The following SLC9A9 variants were observed in gnomAD, a reference collection of about 807,000 sequenced individuals.
The protein encoded by SLC9A9 is sodium/hydrogen exchanger 9.
A neutral mutation model predicts 77.8 loss-of-function variants in SLC9A9; 62 were observed. The observed-to-expected ratio is 0.80, with a 90% CI of 0.65 to 0.98. SLC9A9 has a LOEUF of 0.98. Among genes scored for constraint, SLC9A9 ranks in the 50% least tolerant of loss-of-function variants. SLC9A9 has a pLI of 0.00. For synonymous variants in SLC9A9, 320 were observed against 283.5 expected, an observed-to-expected ratio of 1.13 and a Z score of -1.29; for missense variants, 775 against 774.9, an observed-to-expected ratio of 1.00 and a Z score of 0.00.
At chr3:143,283,642 A>T (rs985289552) in intron 14 of SLC9A9, among the ~76,000 whole-genome samples, 1 of 152,196 alleles carries the variant, frequency 6.6e-6, no homozygotes, top group African/African-American at 2.4e-5. Flanking sequence ...TGCAAGATTA[A>T]ATGAATGTGT....
At chr3:143,663,612 A>C (rs1044424549) in intron 5 of SLC9A9, among the ~76,000 whole-genome samples, 1 of 152,222 alleles carries the variant, frequency 6.6e-6, no homozygotes, top group African/African-American at 2.4e-5. Flanking sequence ...CAGTGTAGAG[A>C]AGACCTTAAA....
chr3:143,378,230 G>A (rs1232994543), intron 13 of SLC9A9, among the ~76,000 whole-genome samples: 3 of 152,168 alleles, frequency 2.0e-5, no homozygotes, highest in Non-Finnish European at 4.4e-5. Context: ...TCACATCTAC[G>A]TTAGTGCCGT....
intron 12 of SLC9A9, among the ~76,000 whole-genome samples, chr3:143,386,990 G>A (rs1462925022): frequency 3.3e-5 from 5 of 152,238 alleles, no homozygotes; most frequent in South Asian, 4.1e-4. Flanking sequence ...ATAGGCGTAC[G>A]CCACCACACC....
chr3:143,510,492 T>A (rs1340339676), intron 9 of SLC9A9, among the ~76,000 whole-genome samples: 1 of 152,226 alleles, frequency 6.6e-6, no homozygotes, highest in Non-Finnish European at 1.5e-5. Context: ...CGATCCTGTG[T>A]TGGATAAAAG....
At chr3:143,633,772 G>C (rs2038466832) in intron 6 of SLC9A9, among the ~76,000 whole-genome samples, 1 of 152,110 alleles carries the variant, frequency 6.6e-6, no homozygotes, top group African/African-American at 2.4e-5. Context: ...TCTAGGATTT[G>C]AATTTTATTT....
At chr3:143,778,105 A>G (rs1477385360) in intron 4 of SLC9A9, among the ~76,000 whole-genome samples, 1 of 148,840 alleles carries the variant, frequency 6.7e-6, no homozygotes, top group African/African-American at 2.5e-5. Flanking sequence ...CAAATCTTTT[A>G]TTATTAAATT....
At chr3:143,720,192 T>TAA (rs1164474999) in intron 4 of SLC9A9, among the ~76,000 whole-genome samples, 2 of 150,972 alleles carry the variant, frequency 1.3e-5, no homozygotes, top group Non-Finnish European at 2.9e-5. Context: ...TAGAGTTATA[T>TAA]AAGATGCATA....
intron 9 of SLC9A9, among the ~76,000 whole-genome samples, chr3:143,509,241 T>C (rs1223046702): frequency 6.6e-6 from 1 of 152,192 alleles, no homozygotes; most frequent in Non-Finnish European, 1.5e-5. Context: ...GATAATGTCA[T>C]TCAATTGGAG....
intron 14 of SLC9A9, among the ~76,000 whole-genome samples, chr3:143,279,420 T>A (rs1028470238): frequency 1.3e-5 from 2 of 152,210 alleles, no homozygotes; most frequent in African/African-American, 2.4e-5. Context: ...ATCAGATTTT[T>A]AAATTTTTTT....
chr3:143,634,147 C>CTTTTTTTTTTTTTTTT (rs1033629087), intron 6 of SLC9A9, among the ~76,000 whole-genome samples: 3 of 149,220 alleles, frequency 2.0e-5, no homozygotes, highest in African/African-American at 7.8e-5. Flanking sequence ...ATAATCCTTT[C>CTTTTTTTTTTTTTTTT]TTTAAGCTTG....
intron 4 of SLC9A9, among the ~76,000 whole-genome samples, chr3:143,717,415 CAGTG>C (rs2108800381): frequency 6.6e-6 from 1 of 152,318 alleles, no homozygotes; most frequent in African/African-American, 2.4e-5. Flanking sequence ...TGTTGAGTGG[CAGTG>C]AGTGTTTATG....
At chr3:143,640,000 A>G (rs967184544) in intron 6 of SLC9A9, among the ~76,000 whole-genome samples, 1 of 148,928 alleles carries the variant, frequency 6.7e-6, no homozygotes, top group Admixed American at 6.8e-5. Context: ...CTGGGTCAGT[A>G]ATTCCTTTCT....
intron 8 of SLC9A9, among the ~76,000 whole-genome samples, chr3:143,559,079 C>T (rs2037038137): frequency 6.6e-6 from 1 of 152,152 alleles, no homozygotes; most frequent in Non-Finnish European, 1.5e-5. Flanking sequence ...CTTTCTCTCT[C>T]CTGCCGCCCT....
intron 12 of SLC9A9, among the ~76,000 whole-genome samples, chr3:143,459,586 A>C (rs1293056935): frequency 1.3e-5 from 2 of 152,020 alleles, no homozygotes; most frequent in African/African-American, 4.8e-5. Flanking sequence ...CTTATAGTTC[A>C]TTTCTTATTG....
At chr3:143,724,454 A>G (rs113528173) in intron 4 of SLC9A9, among the ~76,000 whole-genome samples, 2,740 of 152,310 alleles carry the variant, frequency 0.018, 75 homozygotes, top group African/African-American at 0.061. Flanking sequence ...ATGGACTAAC[A>G]CACATGTCTT....
At chr3:143,729,676 CT>C (rs1342439948) in intron 4 of SLC9A9, among the ~76,000 whole-genome samples, 1 of 152,168 alleles carries the variant, frequency 6.6e-6, no homozygotes, top group Non-Finnish European at 1.5e-5. Context: ...TCACCCCAGG[CT>C]GCTGTACACT....
At chr3:143,428,702 T>TG (rs2034450893) in intron 12 of SLC9A9, among the ~76,000 whole-genome samples, 2 of 83,546 alleles carry the variant, frequency 2.4e-5, no homozygotes, top group African/African-American at 1.5e-4. Flanking sequence ...TACAGATGAA[T>TG]GAAGACAGAC....
intron 6 of SLC9A9, among the ~76,000 whole-genome samples, chr3:143,617,880 G>A (rs1487705474): frequency 6.6e-6 from 1 of 152,216 alleles, no homozygotes; most frequent in African/African-American, 2.4e-5. Context: ...GAGACGCCAG[G>A]CAGCCACTGG....
At chr3:143,316,480 C>A (rs1359001189) in intron 14 of SLC9A9, among the ~76,000 whole-genome samples, 1 of 152,194 alleles carries the variant, frequency 6.6e-6, no homozygotes, top group Non-Finnish European at 1.5e-5. Flanking sequence ...AAGAGGATCT[C>A]TGCTATATTG....
Sources: gnomAD v4.1 joint callset for allele counts (sites outside exome capture counted in the v4.1 genomes callset) on GRCh38, gnomAD v4.1.1 for gene constraint, MANE v1.5 for transcripts, NCBI Gene and HGNC (gene_info 2026-07-23, HGNC 2026-07-21) for gene names.